The following CDK14 variants were observed in gnomAD, a reference collection of about 807,000 sequenced individuals.
CDK14 encodes cyclin dependent kinase 14.
A neutral mutation model predicts 60.7 loss-of-function variants in CDK14; 34 were observed. That is an observed-to-expected ratio of 0.56 (90% CI 0.43 to 0.75). The LOEUF is 0.75. Among genes scored for constraint, CDK14 ranks in the 30% least tolerant of loss-of-function variants. CDK14 has a pLI of 0.00. For synonymous variants in CDK14, 197 were observed against 203.7 expected (o/e 0.97, Z 0.28); for missense variants, 482 against 564.1 (o/e 0.85, Z 1.47).
intron 14 of CDK14, among the ~76,000 whole-genome samples, chr7:91,154,406 T>C (rs563792908): frequency 5.5e-4 from 83 of 152,192 alleles, no homozygotes; most frequent in Non-Finnish European, 1.1e-3. Context: ...TATAAATCTT[T>C]CCCTACATTG....
intron 14 of CDK14, among the ~76,000 whole-genome samples, chr7:91,151,981 C>T (rs1011974405): frequency 2.0e-5 from 3 of 152,342 alleles, no homozygotes; most frequent in Non-Finnish European, 4.4e-5. Context: ...CCATGCATTA[C>T]ATAAAACCGA....
chr7:90,823,242 A>G (rs1304518136), intron 5 of CDK14, among the ~76,000 whole-genome samples: 1 of 152,230 alleles, frequency 6.6e-6, no homozygotes, highest in Non-Finnish European at 1.5e-5. Context: ...CCAAGCTACC[A>G]GATTATTTTT....
At chr7:90,904,615 A>G (rs73225044) in intron 7 of CDK14, among the ~76,000 whole-genome samples, 4,143 of 152,220 alleles carry the variant, frequency 0.027, 73 homozygotes, top group South Asian at 0.046. Flanking sequence ...TCAGAGGTCT[A>G]ATCTAGGGGA....
At chr7:91,053,917 G>A (rs1357738252) in intron 11 of CDK14, among the ~76,000 whole-genome samples, 1 of 152,022 alleles carries the variant, frequency 6.6e-6, no homozygotes, top group Non-Finnish European at 1.5e-5. Context: ...AGTCATGTCT[G>A]CTCCATCCAG....
At chr7:90,865,965 T>G (rs17163297) in intron 6 of CDK14, among the ~76,000 whole-genome samples, 2,829 of 152,204 alleles carry the variant, frequency 0.019, 115 homozygotes, top group African/African-American at 0.065. Flanking sequence ...GCCTAGGTCT[T>G]TGGTCAGAAG....
rs1263865835 is a variant in CDK14 at position 90,955,675 on chromosome 7, TTA to T, written c.827-20_827-19del. On this transcript the variant is annotated intron_variant, in intron 8 of 14. Transcript: ENST00000380050. ...TTTTGCTAATGCCTGTTAAACTTCT[TTA>T]TGTTTCATATAACCCACAGGTCTTG... 3 of 1,611,764 alleles carry T rather than the reference TTA, an allele frequency of 1.9e-6. No homozygotes were observed. Among genetic ancestry groups the T allele is most frequent in the Non-Finnish European group, 2.5e-6 (3 of 1,178,524 alleles).
chr7:90,768,766 GA>G (rs1410500817), intron 4 of CDK14, among the ~76,000 whole-genome samples: 1 of 152,096 alleles, frequency 6.6e-6, no homozygotes, highest in Admixed American at 6.5e-5. Flanking sequence ...TAGTGGTCTG[GA>G]TTTTTAAAAT....
chr7:90,804,968 T>C (rs1788767136), intron 5 of CDK14, among the ~76,000 whole-genome samples: 1 of 151,902 alleles, frequency 6.6e-6, no homozygotes, highest in Non-Finnish European at 1.5e-5. Context: ...CCAAATCTTA[T>C]GTTATATGTA....
intron 2 of CDK14, chr7:90,692,638 C>A (rs1391971530): frequency 2.1e-6 from 2 of 969,164 alleles, no homozygotes; most frequent in Admixed American, 1.2e-4. Flanking sequence ...GGAGACTATG[C>A]TGGCGGGCCA....
intron 14 of CDK14, among the ~76,000 whole-genome samples, chr7:91,130,540 A>G (rs760141136): frequency 2.0e-5 from 3 of 152,172 alleles, no homozygotes; most frequent in Non-Finnish European, 2.9e-5. Flanking sequence ...CATACAAGTT[A>G]TGTTGGTAAC....
chr7:90,738,254 A>C (rs1404386150), intron 3 of CDK14, among the ~76,000 whole-genome samples: 1 of 152,202 alleles, frequency 6.6e-6, no homozygotes, highest in African/African-American at 2.4e-5. Context: ...TAAATTATTC[A>C]TGTTCAAATG....
intron 2 of CDK14, among the ~76,000 whole-genome samples, chr7:90,669,216 A>G (rs971198747): frequency 3.0e-4 from 45 of 152,322 alleles, no homozygotes; most frequent in African/African-American, 9.9e-4. Context: ...ATGAAAGGAC[A>G]AAGTCTCTAT....
intron 2 of CDK14, among the ~76,000 whole-genome samples, chr7:90,646,214 G>A (rs1274333655): frequency 6.6e-6 from 1 of 152,104 alleles, no homozygotes; most frequent in Non-Finnish European, 1.5e-5. Context: ...GAAGCCTCCG[G>A]TTGTTGAGTT....
At chr7:91,093,912 A>G (rs1205665819) in intron 12 of CDK14, among the ~76,000 whole-genome samples, 1 of 152,176 alleles carries the variant, frequency 6.6e-6, no homozygotes, top group Non-Finnish European at 1.5e-5. Flanking sequence ...TGTTAAGTAT[A>G]TTAACATAGG....
chr7:90,676,357 G>A (rs1801197648), intron 2 of CDK14, among the ~76,000 whole-genome samples: 1 of 152,054 alleles, frequency 6.6e-6, no homozygotes, highest in South Asian at 2.1e-4. Context: ...GAGCTGTAAG[G>A]GTGTCAAGGG....
chr7:91,163,399 A>G (rs1438786977), intron 14 of CDK14, among the ~76,000 whole-genome samples: 2 of 152,236 alleles, frequency 1.3e-5, no homozygotes, highest in Non-Finnish European at 2.9e-5. Flanking sequence ...TCCTAACAAC[A>G]GGTCAGAGCT....
At chr7:90,894,330 T>C (rs1458170163) in intron 6 of CDK14, among the ~76,000 whole-genome samples, 2 of 152,138 alleles carry the variant, frequency 1.3e-5, no homozygotes, top group Non-Finnish European at 2.9e-5. Context: ...AGTTATGTAA[T>C]ACTGATTTAC....
intron 14 of CDK14, among the ~76,000 whole-genome samples, chr7:91,183,483 A>G (rs1461980231): frequency 6.6e-6 from 1 of 152,168 alleles, no homozygotes; most frequent in African/African-American, 2.4e-5. Flanking sequence ...TTTGCTTTTA[A>G]CAGTCTCTTG....
chr7:91,109,462 G>T (rs993099735), intron 12 of CDK14, among the ~76,000 whole-genome samples: 1 of 152,064 alleles, frequency 6.6e-6, no homozygotes, highest in African/African-American at 2.4e-5. Context: ...CATGGAAATA[G>T]AATGCATAAC....
Sources: gnomAD v4.1 joint callset for allele counts (sites outside exome capture counted in the v4.1 genomes callset) on GRCh38, gnomAD v4.1.1 for gene constraint, MANE v1.5 for transcripts, NCBI Gene and HGNC (gene_info 2026-07-23, HGNC 2026-07-21) for gene names.